NPFFR1: variants seen among roughly 807,000 people sequenced by gnomAD.
The protein encoded by NPFFR1 is G-protein coupled receptor 147.
A neutral mutation model predicts 12.7 loss-of-function variants in NPFFR1; 17 were observed. The ratio of observed to expected loss-of-function variants is 1.34; its 90% CI spans 0.92 to 2.01. The LOEUF (loss-of-function observed/expected upper bound fraction) is 2.01. Ranked by LOEUF, NPFFR1 falls within the 30% of genes most tolerant of loss-of-function variation. The pLI is 0.00. For missense variants in NPFFR1, 604 were observed against 606.5 expected (o/e 1.00, Z 0.04); for synonymous variants, 296 against 264.5 (o/e 1.12, Z -1.16).
In NPFFR1 at chr10:70,254,859, C is replaced by A; in HGVS notation, c.*98G>T. 1 of 1,279,532 alleles carries A rather than the reference C, an allele frequency of 7.8e-7. No individual in the cohort carries two copies. The highest frequency in any genetic ancestry group is 1.0e-6 in the Non-Finnish European group (1 of 1,000,176). The allele number at this position is 1,279,532 out of a possible 1,614,324, so 79.3% of individuals were successfully genotyped here. On this transcript the variant is annotated 3_prime_UTR_variant, in exon 4 of 4. Transcript: ENST00000277942. ...TGCCTGGCTCTGGAGAGGGAGGGAC[C>A]ACGCATCCTCACCTAACCACACCAG...
chr10:70,255,514 C>T lies in NPFFR1; in HGVS notation c.736G>A (p.Ala246Thr), dbSNP rs1164028166. 9.0e-6 allele frequency: 14 copies of T among 1,548,058 alleles called. No individual in the cohort carries two copies. ...YARIARKLCQ[A>T]PGPAPGGEEA... The stretch of plus-strand genomic sequence containing the variant: ...TCGCCCCCGGGGGCCGGGCCCGGGG[C>T]CTGGCAGAGCTTGCGCGCGATGCGG... The change falls in exon 4 of 4, where the codon GCC becomes ACC. Residue 246 changes from alanine to threonine, a missense_variant. By Grantham distance (58) the Ala-to-Thr change is moderately conservative. Transcript: ENST00000277942. The surrounding 1 kb of genome is among the most constrained non-coding windows in gnomAD (Gnocchi z 4.2).
Position 70,248,467 on chromosome 10 carries a change from G to GTGTTTTT in NPFFR1, c.*6489_*6490insAAAAACA. On this transcript the variant is annotated 3_prime_UTR_variant, in exon 4 of 4. Transcript: ENST00000277942. ...CAAAGTACGTAGTACTATGCCTGGCGTTTTTTTTTTGTTTTTTGTTTTTTT... is the reference window on the plus strand; with the variant it reads ...CAAAGTACGTAGTACTATGCCTGGCGTGTTTTTTTTTTTTTTTGTTTTTTGTTTTTTT... 1.0e-5 allele frequency: 1 copy of GTGTTTTT among 96,742 alleles called. No individual in the cohort carries two copies. Among genetic ancestry groups the GTGTTTTT allele is most frequent in the Non-Finnish European group, 2.0e-5 (1 of 50,592 alleles). 6.0% of individuals were successfully genotyped at this position (96,742 alleles called of 1,614,324 possible).
chr10:70,261,203 GGTGA>G (rs1378247691), intron 2 of NPFFR1, among the ~76,000 whole-genome samples: 1 of 151,972 alleles, frequency 6.6e-6, no homozygotes, highest in South Asian at 2.1e-4. Flanking sequence ...TTCTTGTGAT[GGTGA>G]GTAAGTTCTC....
chr10:70,281,306 G>A (rs1840859417), intron 1 of NPFFR1, among the ~76,000 whole-genome samples: 1 of 152,154 alleles, frequency 6.6e-6, no homozygotes, highest in African/African-American at 2.4e-5. Flanking sequence ...CCACCTCTTA[G>A]GTGGGGTAAA....
chr10:70,260,225 G>C (rs1161805611), intron 3 of NPFFR1, among the ~76,000 whole-genome samples: 1 of 152,110 alleles, frequency 6.6e-6, no homozygotes, highest in Non-Finnish European at 1.5e-5. Flanking sequence ...GAGCCAGTGG[G>C]GACAGAATAA....
At chr10:70,259,966 G>A (rs1840616055) in intron 3 of NPFFR1, among the ~76,000 whole-genome samples, 1 of 152,198 alleles carries the variant, frequency 6.6e-6, no homozygotes, top group Admixed American at 6.5e-5. Flanking sequence ...CTGGGGTGAA[G>A]CACCCAGAGG....
chr10:70,274,459 A>AAG (rs996682029), intron 1 of NPFFR1, among the ~76,000 whole-genome samples: 2 of 146,366 alleles, frequency 1.4e-5, no homozygotes, highest in Non-Finnish European at 3.0e-5. Context: ...GAAAATAAAA[A>AAG]AGAGAGAGAG....
At position 70,248,363 on chromosome 10, in the gene NPFFR1, T is replaced by C. The variant is rs992133374; in HGVS notation, c.*6594A>G. On this transcript the variant is annotated 3_prime_UTR_variant, in exon 4 of 4. Transcript: ENST00000277942. ...TGCACCAGGCAATATCCTACCTGAA[T>C]CCACAAAGGTAAGTGAAATAGACAT... 5.3e-5 allele frequency: 8 copies of C among 151,704 alleles called. No homozygotes were observed. Among genetic ancestry groups the C allele is most frequent in the African/African-American group, 1.9e-4 (8 of 41,260 alleles). 9.4% of individuals were successfully genotyped at this position (151,704 alleles called of 1,614,324 possible). A position where few individuals can be genotyped will look rare whatever the true frequency, so the allele number is the denominator to read the frequency against.
chr10:70,278,936 AT>A (rs1384297926), intron 1 of NPFFR1, among the ~76,000 whole-genome samples: 1 of 152,144 alleles, frequency 6.6e-6, no homozygotes, highest in Non-Finnish European at 1.5e-5. Context: ...TGATTTTTAT[AT>A]TTTTTTAGAT....
intron 2 of NPFFR1, among the ~76,000 whole-genome samples, chr10:70,263,484 A>G (rs1840655800): frequency 6.6e-6 from 1 of 152,112 alleles, no homozygotes; most frequent in South Asian, 2.1e-4. Context: ...CATTTTAGCC[A>G]GGATGGTCTC....
At chr10:70,272,211 G>GAAAGAAAGAAAAAAA (rs10664195) in intron 1 of NPFFR1, among the ~76,000 whole-genome samples, 1 of 55,822 alleles carries the variant, frequency 1.8e-5, no homozygotes, top group South Asian at 5.3e-4. Flanking sequence ...AAGAAAGAAA[G>GAAAGAAAGAAAAAAA]GAAAGAAAGA....
chr10:70,273,761 C>T (rs1840773674), intron 1 of NPFFR1, among the ~76,000 whole-genome samples: 1 of 152,152 alleles, frequency 6.6e-6, no homozygotes, highest in South Asian at 2.1e-4. Flanking sequence ...TGGATGACCT[C>T]CCCACACCCT....
chr10:70,265,664 G>C (rs1840682890), intron 2 of NPFFR1, among the ~76,000 whole-genome samples: 2 of 152,144 alleles, frequency 1.3e-5, no homozygotes, highest in Non-Finnish European at 1.5e-5. Flanking sequence ...TGAGAGAGTG[G>C]GACTGAATGG....
rs1178106050 is a variant in NPFFR1 at position 70,253,504 on chromosome 10, A to G, written c.*1453T>C. 1.3e-5 allele frequency: 2 copies of G among 152,034 alleles called. No homozygotes were observed. Among genetic ancestry groups the G allele is most frequent in the Non-Finnish European group, 2.9e-5 (2 of 68,000 alleles). The allele number at this position is 152,034 out of a possible 1,614,324, so 9.4% of individuals were successfully genotyped here. ...TGACAATAACATTCAATCTCCTTCA[A>G]CCTCATTACTATGGATTAAATGAGA... On this transcript the variant is annotated 3_prime_UTR_variant, in exon 4 of 4. Transcript: ENST00000277942.
chr10:70,279,922 C>T (rs1589917143), intron 1 of NPFFR1, among the ~76,000 whole-genome samples: 1 of 152,228 alleles, frequency 6.6e-6, no homozygotes, highest in African/African-American at 2.4e-5. Flanking sequence ...CCACTCTACT[C>T]TCTGGTTCTA....
At chr10:70,260,598 C>CCCTA in intron 3 of NPFFR1, 42 bp downstream of exon 3, 2 of 1,514,140 alleles carry the variant, frequency 1.3e-6, no homozygotes, top group East Asian at 4.7e-5. Flanking sequence ...TAATGCCAGG[C>CCCTA]CCTAGTTGGC....
At position 70,254,686 on chromosome 10, in the gene NPFFR1, A is replaced by G. The variant is rs796584770; in HGVS notation, c.*271T>C. 10 of 382,062 alleles carry G rather than the reference A, an allele frequency of 2.6e-5. No homozygotes were observed. The highest frequency in any genetic ancestry group is 1.9e-4 in the African/African-American group (9 of 48,320). The allele number at this position is 382,062 out of a possible 1,614,324, so 23.7% of individuals were successfully genotyped here. On this transcript the variant is annotated 3_prime_UTR_variant, in exon 4 of 4. Transcript: ENST00000277942. ...GCATCTGTAGAAGGAAGAGAAGACA[A>G]CCTATCTCCAAAGCGTTGTGACAAT...
intron 1 of NPFFR1, among the ~76,000 whole-genome samples, chr10:70,271,021 TGGG>T (rs1350440938): frequency 6.6e-6 from 1 of 152,186 alleles, no homozygotes; most frequent in East Asian, 1.9e-4. Context: ...CAGAAACCCT[TGGG>T]ACTGGGGCCT....
chr10:70,255,212 G>T lies in NPFFR1; in HGVS notation c.1038C>A (p.Ala346=), dbSNP rs371080568. 36 of 1,549,788 alleles carry T rather than the reference G, an allele frequency of 2.3e-5. No homozygotes were observed. The highest frequency in any genetic ancestry group is 3.0e-5 in the Non-Finnish European group (34 of 1,151,606). Reference sequence around the variant, plus strand: ...TCCCCGACGGGCGCGGGCAGAGGCGGGCGCGGAAGGCGGCCTGGAAGCCGC... The same window carrying T: ...TCCCCGACGGGCGCGGGCAGAGGCGTGCGCGGAAGGCGGCCTGGAAGCCGC... ...FRRGFQAAFR[A]RLCPRPSGSH... The change falls in exon 4 of 4, where the codon GCC becomes GCA. Residue 346 remains alanine, a synonymous_variant. Transcript: ENST00000277942. The surrounding 1 kb of genome is among the most constrained non-coding windows in gnomAD (Gnocchi z 4.2).
Sources: gnomAD v4.1 joint callset for allele counts (sites outside exome capture counted in the v4.1 genomes callset) on GRCh38, gnomAD v4.1.1 for gene constraint, Gnocchi (gnomAD v3.1) non-coding constraint, MANE v1.5 for transcripts, NCBI Gene and HGNC (gene_info 2026-07-23, HGNC 2026-07-21) for gene names.